The following SGMS1 variants were observed in gnomAD, a reference collection of about 807,000 sequenced individuals.
The protein encoded by SGMS1 is sphingomyelin synthase 1.
In SGMS1, 13 loss-of-function variants were observed where a neutral mutation model predicts 46.2. The observed-to-expected ratio is 0.28, with a 90% CI of 0.18 to 0.45. The LOEUF is 0.45. SGMS1 is among the 20% of genes least tolerant of loss of function. The probability of loss-of-function intolerance (pLI) is 1.00; values close to 1 mark genes in which losing one functional copy is unlikely to be tolerated. For synonymous variants in SGMS1, 203 were observed against 187.8 expected (o/e 1.08, Z -0.66); for missense variants, 324 against 519.9 (o/e 0.62, Z 3.66).
At chr10:50,321,358 A>G (rs745363647) in intron 8 of SGMS1, among the ~76,000 whole-genome samples, 2 of 152,202 alleles carry the variant, frequency 1.3e-5, no homozygotes, top group East Asian at 1.9e-4. Context: ...GTCTTTCAAT[A>G]TATCTTTAAA....
chr10:50,328,251 A>G (rs1378649697), intron 7 of SGMS1: 1 of 228,040 alleles, frequency 4.4e-6, no homozygotes, highest in South Asian at 4.7e-5. Context: ...TTCCCTCTCT[A>G]CCTCTCTCTT....
intron 6 of SGMS1, among the ~76,000 whole-genome samples, chr10:50,374,657 C>G (rs1406731647): frequency 6.6e-6 from 1 of 152,110 alleles, no homozygotes; most frequent in Non-Finnish European, 1.5e-5. Context: ...TGATCTGGTT[C>G]CTGCTACCTT....
chr10:50,415,781 C>T lies in SGMS1; in HGVS notation c.-232+17695G>A, dbSNP rs542759845. Among the ~76,000 whole-genome samples, 4 of 152,278 alleles carry T rather than the reference C, an allele frequency of 2.6e-5. No homozygotes were observed. In the South Asian group the frequency reaches 8.3e-4, roughly 32 times the overall value. Reference sequence around the variant, plus strand: ...TCTCACAGAGTGTGCCTTTCATGAACTCACCATTCTTAAAACAGGTTCAAC... The same window carrying T: ...TCTCACAGAGTGTGCCTTTCATGAATTCACCATTCTTAAAACAGGTTCAAC... On this transcript the variant is annotated intron_variant, in intron 6 of 10. Transcript: ENST00000361781.
chr10:50,529,610 T>C (rs1276566992), intron 2 of SGMS1, among the ~76,000 whole-genome samples: 1 of 152,174 alleles, frequency 6.6e-6, no homozygotes, highest in Non-Finnish European at 1.5e-5. Context: ...GGGTGAAAAA[T>C]GCCTCCCTAT....
intron 2 of SGMS1, among the ~76,000 whole-genome samples, chr10:50,569,583 G>A (rs1453561819): frequency 6.6e-6 from 1 of 152,160 alleles, no homozygotes; most frequent in African/African-American, 2.4e-5. Context: ...CTGGTCATTT[G>A]TCTGCTTTGG....
chr10:50,321,944 T>G (rs183638654), intron 8 of SGMS1, among the ~76,000 whole-genome samples: 1 of 152,298 alleles, frequency 6.6e-6, no homozygotes, highest in Admixed American at 6.5e-5. Context: ...AGGAGGTGGT[T>G]TCATCTTTCT....
chr10:50,451,525 A>G (rs1315926610), intron 5 of SGMS1, among the ~76,000 whole-genome samples: 2 of 152,186 alleles, frequency 1.3e-5, no homozygotes, highest in Non-Finnish European at 2.9e-5. Context: ...GTCACACAAA[A>G]TATATTGCTG....
At chr10:50,328,757 G>GC (rs1308637444) in intron 7 of SGMS1, among the ~76,000 whole-genome samples, 1 of 152,130 alleles carries the variant, frequency 6.6e-6, no homozygotes, top group Non-Finnish European at 1.5e-5. Flanking sequence ...AATTTATTCA[G>GC]CATAAAGCTG....
chr10:50,339,728 G>A (rs984493114), intron 7 of SGMS1, among the ~76,000 whole-genome samples: 92 of 152,334 alleles, frequency 6.0e-4, no homozygotes, highest in African/African-American at 2.1e-3. Flanking sequence ...GGGATAGAAA[G>A]GTGAATGATG....
At chr10:50,326,468 C>A (rs1055220621) in intron 8 of SGMS1, among the ~76,000 whole-genome samples, 2 of 152,204 alleles carry the variant, frequency 1.3e-5, no homozygotes, top group Admixed American at 1.3e-4. Context: ...TCAGAGTATA[C>A]TATATTTTCT....
intron 6 of SGMS1, among the ~76,000 whole-genome samples, chr10:50,400,294 G>A (rs1848913505): frequency 6.6e-6 from 1 of 151,158 alleles, no homozygotes; most frequent in Non-Finnish European, 1.5e-5. Context: ...ACTCTGTGAT[G>A]CAGTTTTTTG....
At chr10:50,438,958 C>T (rs540863344) in intron 5 of SGMS1, among the ~76,000 whole-genome samples, 47 of 152,320 alleles carry the variant, frequency 3.1e-4, no homozygotes, top group African/African-American at 1.1e-3. Flanking sequence ...CGAAACATGA[C>T]ACGTTTAGAA....
At chr10:50,503,411 G>A (rs1041281294) in intron 3 of SGMS1, among the ~76,000 whole-genome samples, 1 of 151,914 alleles carries the variant, frequency 6.6e-6, no homozygotes, top group African/African-American at 2.4e-5. Flanking sequence ...CCAGATAGCC[G>A]GTTCCTGCCT....
intron 8 of SGMS1, among the ~76,000 whole-genome samples, chr10:50,314,808 C>T (rs182620721): frequency 6.6e-6 from 1 of 152,208 alleles, no homozygotes; most frequent in Non-Finnish European, 1.5e-5. Flanking sequence ...GTAGTCCCAG[C>T]TACTTGGAAG....
chr10:50,591,247 A>G (rs1318163984), intron 1 of SGMS1, among the ~76,000 whole-genome samples: 1 of 152,192 alleles, frequency 6.6e-6, no homozygotes, highest in Admixed American at 6.5e-5. Flanking sequence ...GATATCTGAC[A>G]AGGATATTCA....
chr10:50,316,883 C>A (rs1186675822), intron 8 of SGMS1, among the ~76,000 whole-genome samples: 2 of 152,094 alleles, frequency 1.3e-5, no homozygotes, highest in African/African-American at 4.8e-5. Flanking sequence ...CCAAGTGGCC[C>A]AAAACAGCAA....
In SGMS1 at chr10:50,344,187, A is replaced by C. The variant is rs1847874912; in HGVS notation, c.-73T>G. 2.2e-5 allele frequency: 34 copies of C among 1,511,140 alleles called. 1 individual carries two copies. In the South Asian group the frequency reaches 4.5e-4, roughly 20 times the overall value. The allele number at this position is 1,511,140 out of a possible 1,614,324, so 93.6% of individuals were successfully genotyped here. On this transcript the variant is annotated 5_prime_UTR_variant, in exon 7 of 11. Transcript: ENST00000361781. ...GCAGTCACTGTTCCGACAGGGCAGG[A>C]CACTGTCCTGCCTCGGCTCGTTCAT...
chr10:50,504,133 CAG>C (rs1259011221), intron 3 of SGMS1, among the ~76,000 whole-genome samples: 1 of 152,214 alleles, frequency 6.6e-6, no homozygotes, highest in East Asian at 1.9e-4. Flanking sequence ...CAAGTATAAA[CAG>C]ACATCTGGAA....
intron 8 of SGMS1, among the ~76,000 whole-genome samples, chr10:50,324,648 T>C (rs911279834): frequency 6.6e-6 from 1 of 152,232 alleles, no homozygotes; most frequent in Non-Finnish European, 1.5e-5. Flanking sequence ...TCCCAACTCT[T>C]GTGCCTAGCT....
Sources: allele counts gnomAD v4.1 joint callset (sites outside exome capture counted in the v4.1 genomes callset), GRCh38; gene constraint gnomAD v4.1.1; transcripts MANE v1.5; gene names NCBI Gene and HGNC (gene_info 2026-07-23, HGNC 2026-07-21).